Variants in SUGP2 observed in about 807,000 individuals in gnomAD.
SUGP2 encodes SURP and G-patch domain-containing protein 2.
In SUGP2, 24 loss-of-function variants were observed where a neutral mutation model predicts 90.5. The observed-to-expected ratio is 0.27, with a 90% CI of 0.19 to 0.37. SUGP2 has a LOEUF of 0.37. Among genes scored for constraint, SUGP2 ranks in the 10% least tolerant of loss-of-function variants. The pLI, the probability that SUGP2 is intolerant of heterozygous loss-of-function variation, is 1.00. For missense variants in SUGP2, 1,233 were observed against 1,363.3 expected, an observed-to-expected ratio of 0.90 and a Z score of 1.51; for synonymous variants, 473 against 513.4, an observed-to-expected ratio of 0.92 and a Z score of 1.06.
chr19:19,018,922 C>A (rs992566705), intron 4 of SUGP2, among the ~76,000 whole-genome samples, 187 bp downstream of exon 4: 1 of 152,162 alleles, frequency 6.6e-6, no homozygotes, highest in African/African-American at 2.4e-5. Context: ...GCTGGCCTAC[C>A]ACTGGTCTGC....
At chr19:19,013,841 C>T (rs2058392556) in intron 4 of SUGP2, among the ~76,000 whole-genome samples, 2 of 152,218 alleles carry the variant, frequency 1.3e-5, no homozygotes, top group Admixed American at 1.3e-4. Context: ...CAAAGTATGA[C>T]ATATTCCTTC....
Position 18,993,657 on chromosome 19 carries a change from G to A in SUGP2, c.*84C>T, listed in dbSNP as rs1435987847. 6.6e-6 allele frequency: 1 copy of A among 152,630 alleles called. No individual in the cohort carries two copies. Among genetic ancestry groups the A allele is most frequent in the African/African-American group, 2.4e-5 (1 of 41,444 alleles). 9.5% of individuals were successfully genotyped at this position (152,630 alleles called of 1,614,324 possible). On this transcript the variant is annotated 3_prime_UTR_variant, in exon 11 of 11. Transcript: ENST00000452918. ...ACACACCAAACCGTACTTGGGCACT[G>A]GCTCCAGGCCGATCCAGGGCAGGGA... is the stretch of plus-strand genomic sequence containing the variant.
rs778332837 is a variant in SUGP2, at chr19:18,994,377, C to A, written c.3238G>T (p.Ala1080Ser). ...GCCTGTGAACATACCTATTTGTTGG[C>A]CCGCTTGTGTCTGTACATCTGCATC... ...RMMQMYRHKR[A>S]NK Residue 1080 changes from alanine (A) to serine (S), a missense_variant, in exon 10 of 11, where the codon GCC becomes TCC. Around this residue, in one of 8 missense-constraint regions of SUGP2, gnomAD observed 53 missense variants for 55.3 expected, o/e 0.96. Coordinates refer to ENST00000452918, the MANE Select transcript of SUGP2 (RefSeq NM_001017392.5). The A allele has an allele frequency of 3.1e-6, 5 of 1,614,018 alleles. No individual in the cohort carries two copies. In the African/African-American group the frequency reaches 6.7e-5, roughly 22 times the overall value.
chr19:19,028,571 T>C (rs536575708), intron 2 of SUGP2, among the ~76,000 whole-genome samples: 2 of 152,350 alleles, frequency 1.3e-5, no homozygotes, highest in East Asian at 1.9e-4. Context: ...TATGAGGAGA[T>C]GAAAAGTTCA....
chr19:19,010,810 G>A (rs557245903), intron 4 of SUGP2, among the ~76,000 whole-genome samples: 1 of 152,250 alleles, frequency 6.6e-6, no homozygotes, highest in East Asian at 1.9e-4. Flanking sequence ...ATCATGATGA[G>A]AACAGTAAAG....
At chr19:19,030,276 G>T (rs1353536727) in intron 2 of SUGP2, among the ~76,000 whole-genome samples, 3 of 152,152 alleles carry the variant, frequency 2.0e-5, no homozygotes, top group African/African-American at 7.2e-5. Flanking sequence ...GATCACCTGA[G>T]GTCGGGAGTT....
chr19:19,033,361 G>A (rs1179877948), intron 1 of SUGP2, 76 bp downstream of exon 1: 3 of 1,169,426 alleles, frequency 2.6e-6, no homozygotes, highest in Admixed American at 9.6e-5. Flanking sequence ...CGGAGCCCGG[G>A]GCGGGCCCCC....
chr19:18,997,257 A>G (rs1426940212), intron 8 of SUGP2, among the ~76,000 whole-genome samples: 1 of 151,844 alleles, frequency 6.6e-6, no homozygotes, highest in East Asian at 2.0e-4. Flanking sequence ...GCTTGGAGAC[A>G]AGGCACAAAA....
At chr19:19,013,287 T>C (rs1221186522) in intron 4 of SUGP2, among the ~76,000 whole-genome samples, 5 of 152,236 alleles carry the variant, frequency 3.3e-5, no homozygotes, top group African/African-American at 1.2e-4. Flanking sequence ...GAACTTCTTT[T>C]GCTCCTTTTA....
At position 19,001,007 on chromosome 19, in the gene SUGP2, G is replaced by T. The variant is rs139674510; in HGVS notation, c.2991+606C>A. Among the ~76,000 whole-genome samples the T allele has an allele frequency of 8.6e-5, 13 of 150,992 alleles. No homozygotes were observed. In the East Asian group the frequency reaches 2.3e-3, roughly 27 times the overall value. On this transcript the variant is annotated intron_variant, in intron 8 of 10. Transcript: ENST00000452918. ...AGTGTAAGACACCCAATCGGCCTTA[G>T]CTTGAACTTCTTTTTTTTTTTTTTT...
At chr19:19,006,874 G>C (rs2058096018) in intron 6 of SUGP2, among the ~76,000 whole-genome samples, 1 of 152,242 alleles carries the variant, frequency 6.6e-6, no homozygotes, top group African/African-American at 2.4e-5. Flanking sequence ...GAGGGGAGTA[G>C]GGCTTGGCTT....
intron 4 of SUGP2, among the ~76,000 whole-genome samples, chr19:19,011,615 T>C (rs1355888505): frequency 6.6e-6 from 1 of 152,266 alleles, no homozygotes; most frequent in Non-Finnish European, 1.5e-5. Flanking sequence ...ATTTTGGTTG[T>C]TGCTGGTTTC....
Position 18,993,245 on chromosome 19 carries a change from CT to C in SUGP2, c.*495del, listed in dbSNP as rs1375675740. On this transcript the variant is annotated 3_prime_UTR_variant, in exon 11 of 11. Coordinates refer to ENST00000452918, the MANE Select transcript of SUGP2 (RefSeq NM_001017392.5). ...GGCAACTGTTCAGAGAGCTTCAGAG[CT>C]TTGGTACCCGAGTGCAGACTTGGTA... The C allele has an allele frequency of 6.6e-6, 1 of 152,186 alleles. No homozygotes were observed. The highest frequency in any genetic ancestry group is 2.4e-5 in the African/African-American group (1 of 41,428). 9.4% of individuals were successfully genotyped at this position (152,186 alleles called of 1,614,324 possible).
At chr19:19,019,051 C>G in intron 4 of SUGP2, 58 bp downstream of exon 4, 1 of 1,572,070 alleles carries the variant, frequency 6.4e-7, no homozygotes, top group Non-Finnish European at 8.7e-7. Context: ...CAGAGTGACC[C>G]AAATTTTGCC....
In SUGP2 at chr19:19,010,190, C is replaced by A. The variant is rs775472143; in HGVS notation, c.2003G>T (p.Arg668Leu). Residue 668 changes from arginine (R) to leucine (L), a missense_variant, in exon 5 of 11, where the codon CGC becomes CTC. Transcript: ENST00000452918. The stretch of plus-strand genomic sequence containing the variant: ...CGGAAGGAGTTTCTTCTTGAGGTTG[C>A]GGACAGCCCGGGAGTACAGCATGGC... ...VRAMLYSRAV[R>L]NLKKKLLPWQ... 2 of 1,613,786 alleles carry A rather than the reference C, an allele frequency of 1.2e-6. No individual in the cohort carries two copies. Among genetic ancestry groups the A allele is most frequent in the East Asian group, 2.2e-5 (1 of 44,844 alleles).
chr19:18,995,145 C>T lies in SUGP2; in HGVS notation c.3127G>A (p.Val1043Met), dbSNP rs762833235. Residue 1043 changes from valine to methionine, a missense_variant and splice_region_variant, in exon 9 of 11, where the codon GTG (valine) becomes ATG (methionine). Physicochemically the swap from Val to Met is conservative, Grantham distance 21. Coordinates refer to ENST00000452918, the MANE Select transcript of SUGP2 (RefSeq NM_001017392.5). The stretch of plus-strand genomic sequence containing the variant: ...CACCCCAGGCTGCCTGCTGCGTACA[C>T]GCTGACCGGCTCCCTGATGCCCTTT... Reference protein sequence around the residue: ...LGKGIREPVSVGTPSEGEGLG... With the variant: ...LGKGIREPVSMGTPSEGEGLG... The T allele has an allele frequency of 1.4e-5, 23 of 1,590,466 alleles. No individual in the cohort carries two copies. The highest frequency in any genetic ancestry group is 8.1e-5 in the African/African-American group (6 of 74,448).
chr19:19,026,308 G>C (rs1007393425), intron 2 of SUGP2, 82 bp from the exon 3 acceptor site: 2 of 1,369,988 alleles, frequency 1.5e-6, no homozygotes, highest in African/African-American at 2.9e-5. Context: ...CAAACAAACA[G>C]TCCACGGATC....
At chr19:19,023,302 G>A (rs998136039) in intron 3 of SUGP2, among the ~76,000 whole-genome samples, 2 of 152,150 alleles carry the variant, frequency 1.3e-5, no homozygotes, top group Non-Finnish European at 2.9e-5. Context: ...TTTAATTCTA[G>A]CACAGGGGTG....
At chr19:19,024,572 A>G (rs747015640) in intron 3 of SUGP2, 47 bp downstream of exon 3, 12 of 1,550,806 alleles carry the variant, frequency 7.7e-6, no homozygotes, top group Non-Finnish European at 9.5e-6. Flanking sequence ...GACATTACCA[A>G]AGAAACACGA....
Sources: gnomAD v4.1 joint callset for allele counts (sites outside exome capture counted in the v4.1 genomes callset) on GRCh38, gnomAD v4.1.1 for gene constraint, gnomAD v4.1.1 regional missense constraint, MANE v1.5 for transcripts, NCBI Gene and HGNC (gene_info 2026-07-23, HGNC 2026-07-21) for gene names.